DAPK1: variants seen among roughly 807,000 people sequenced by gnomAD.
DAPK1 encodes death-associated protein kinase 1.
In DAPK1, 56 loss-of-function variants were observed where a neutral mutation model predicts 144.9. The ratio of observed to expected loss-of-function variants is 0.39; its 90% CI spans 0.31 to 0.48. DAPK1 has a LOEUF of 0.48. Among genes scored for constraint, DAPK1 ranks in the 20% least tolerant of loss-of-function variants. The pLI is 0.95. For missense variants in DAPK1, 1,454 were observed against 1,875.4 expected, an observed-to-expected ratio of 0.78 and a Z score of 4.15; for synonymous variants, 690 against 749.0, an observed-to-expected ratio of 0.92 and a Z score of 1.29.
Position 87,604,945 on chromosome 9 carries a change from T to C in DAPK1, c.63-9T>C, listed in dbSNP as rs772891870. On this transcript the variant is annotated splice_polypyrimidine_tract_variant and intron_variant, in intron 2 of 25. Transcript: ENST00000408954. ...GAACGATAAAGAATCCTCCATCTTCTCTTTTCAGTGGACAGTTTGCGGTTG... is the reference window on the plus strand; with the variant it reads ...GAACGATAAAGAATCCTCCATCTTCCCTTTTCAGTGGACAGTTTGCGGTTG... The C allele has an allele frequency of 2.5e-6, 4 of 1,612,502 alleles. No individual in the cohort carries two copies. The highest frequency in any genetic ancestry group is 1.1e-5 in the South Asian group (1 of 91,054).
chr9:87,683,797 G>A (rs902380566), intron 20 of DAPK1, among the ~76,000 whole-genome samples: 16 of 152,312 alleles, frequency 1.1e-4, no homozygotes, highest in African/African-American at 3.4e-4. Flanking sequence ...TCCTGGCGCG[G>A]GGGCAGAAGC....
rs776219366 is a variant in DAPK1, at chr9:87,647,326, T to C, written c.1252T>C (p.Trp418Arg). 14 of 1,614,094 alleles carry C rather than the reference T, an allele frequency of 8.7e-6. No individual in the cohort carries two copies. The South Asian group carries it at 1.5e-4, about 18-fold the overall frequency. ...QDKGGSNAVYWAARHGHVDTL... is the reference protein window; with the variant it reads ...QDKGGSNAVYRAARHGHVDTL... ...GCAGGGCGGGTCCAATGCCGTCTACTGGGCTGCTCGGCATGGCCACGTCGA... is the reference window on the plus strand; with the variant it reads ...GCAGGGCGGGTCCAATGCCGTCTACCGGGCTGCTCGGCATGGCCACGTCGA... Residue 418 changes from tryptophan (W) to arginine (R), a missense_variant, in exon 14 of 26, where the codon TGG becomes CGG. Physicochemically the swap from Trp to Arg is moderately radical, Grantham distance 101. Transcript: ENST00000408954.
At chr9:87,510,029 G>T (rs1563965585) in intron 2 of DAPK1, among the ~76,000 whole-genome samples, 1 of 152,208 alleles carries the variant, frequency 6.6e-6, no homozygotes, top group Non-Finnish European at 1.5e-5. Flanking sequence ...ATAAGGGTGT[G>T]CCCCAGGCTC....
Position 87,572,962 on chromosome 9 carries a change from C to A in DAPK1, c.63-31992C>A, listed in dbSNP as rs36203857. 6.0e-3 allele frequency among the ~76,000 whole-genome samples: 915 copies of A among 152,254 alleles called. 14 individuals are homozygous for A. Among genetic ancestry groups the A allele is most frequent in the African/African-American group, 0.021 (885 of 41,534 alleles). ...GATATTGCCAAGCCTGGCTGAGATT[C>A]TGAAACACACAGCTCTCCTCCCACC... is the stretch of plus-strand genomic sequence containing the variant. On this transcript the variant is annotated intron_variant, in intron 2 of 25. Coordinates refer to ENST00000408954, the MANE Select transcript of DAPK1 (RefSeq NM_004938.4).
At position 87,651,519 on chromosome 9, in the gene DAPK1, G is replaced by C; in HGVS notation, c.1627-8G>C. ...AAAGCTCTCATGATCTCTGGGGTTT[G>C]TTTCCAGGACGGACACATTGCCCTT... On this transcript the variant is annotated splice_polypyrimidine_tract_variant and splice_region_variant and intron_variant, in intron 16 of 25. Transcript: ENST00000408954. 1 of 1,614,022 alleles carries C rather than the reference G, an allele frequency of 6.2e-7. No individual in the cohort carries two copies.
intron 18 of DAPK1, among the ~76,000 whole-genome samples, chr9:87,664,813 A>G (rs944683009): frequency 7.2e-5 from 11 of 152,116 alleles, no homozygotes; most frequent in African/African-American, 2.7e-4. Context: ...AGAGCCCTTC[A>G]AATGGGGGCT....
chr9:87,649,994 G>A lies in DAPK1; in HGVS notation c.1502G>A (p.Gly501Asp), dbSNP rs375226122. The A allele has an allele frequency of 6.2e-7, 1 of 1,614,186 alleles. No homozygotes were observed. The change falls in exon 16 of 26, where the codon GGC becomes GAC. Residue 501 changes from glycine (G) to aspartate (D), a missense_variant. Coordinates refer to ENST00000408954, the MANE Select transcript of DAPK1 (RefSeq NM_004938.4). ...GTGGCCAAAGCCCTTTGTGAAGCCGGCTGTAACGTGAACATCAAGAACCGA... is the reference window on the plus strand; with the variant it reads ...GTGGCCAAAGCCCTTTGTGAAGCCGACTGTAACGTGAACATCAAGAACCGA... ...YSVAKALCEA[G>D]CNVNIKNREG... is the part of the protein sequence containing the mutation.
intron 2 of DAPK1, among the ~76,000 whole-genome samples, chr9:87,509,506 A>G (rs1019730526): frequency 6.6e-6 from 1 of 152,070 alleles, no homozygotes; most frequent in African/African-American, 2.4e-5. Context: ...GATTACAGGC[A>G]TGCACCACCA....
At chr9:87,659,431 C>G (rs895979427) in intron 18 of DAPK1, among the ~76,000 whole-genome samples, 1 of 152,194 alleles carries the variant, frequency 6.6e-6, no homozygotes, top group Non-Finnish European at 1.5e-5. Flanking sequence ...TCCAGTTACT[C>G]CCTAATAGAG....
chr9:87,562,873 A>T (rs1043773091), intron 2 of DAPK1, among the ~76,000 whole-genome samples: 2 of 152,250 alleles, frequency 1.3e-5, no homozygotes, highest in Non-Finnish European at 2.9e-5. Flanking sequence ...ATTAAACTTA[A>T]GGAATGATTT....
rs151313424 is a variant in DAPK1, at chr9:87,523,712, T to TGAA, written c.62+24575_62+24577dup. On this transcript the variant is annotated intron_variant, in intron 2 of 25. Coordinates refer to ENST00000408954, the MANE Select transcript of DAPK1 (RefSeq NM_004938.4). The stretch of plus-strand genomic sequence containing the variant: ...CTGGAATTTATTTTCGTGTGAAGTG[T>TGAA]GAAGTATGGCTCCAGGCGTAGTTTT... Among the ~76,000 whole-genome samples the TGAA allele has an allele frequency of 6.7e-3, 1,018 of 152,304 alleles. 13 individuals carry two copies. Among genetic ancestry groups the TGAA allele is most frequent in the African/African-American group, 0.023 (968 of 41,564 alleles).
intron 3 of DAPK1, among the ~76,000 whole-genome samples, chr9:87,618,167 TG>T (rs1489380029): frequency 3.3e-5 from 5 of 152,234 alleles, no homozygotes; most frequent in Admixed American, 3.3e-4. Flanking sequence ...CTTTGGTGAA[TG>T]GCACATGAAT....
chr9:87,570,311 T>G (rs1301871412), intron 2 of DAPK1, among the ~76,000 whole-genome samples: 1 of 152,212 alleles, frequency 6.6e-6, no homozygotes, highest in Non-Finnish European at 1.5e-5. Flanking sequence ...ACTCCAGCTT[T>G]GTCTAATTAT....
rs1830050356 is a variant in DAPK1, at chr9:87,640,278, C to T, written c.630-20C>T. 6.2e-7 allele frequency: 1 copy of T among 1,607,668 alleles called. No homozygotes were observed. Among genetic ancestry groups the T allele is most frequent in the Admixed American group, 1.7e-5 (1 of 59,354 alleles). On this transcript the variant is annotated intron_variant, in intron 7 of 25. Coordinates refer to ENST00000408954, the MANE Select transcript of DAPK1 (RefSeq NM_004938.4). ...AAGGGGTCATCATTAATGTTCTATG[C>T]CCAACTTTATTTTTAACAGCCTAAG... is the stretch of plus-strand genomic sequence containing the variant.
chr9:87,651,463 G>C (rs1387878259), intron 16 of DAPK1, 64 bp from the exon 17 acceptor site: 2 of 1,515,728 alleles, frequency 1.3e-6, no homozygotes, highest in Non-Finnish European at 1.8e-6. Flanking sequence ...GGCAGAAAAG[G>C]TGAAGAGACG....
At chr9:87,504,969 G>A (rs1824533173) in intron 2 of DAPK1, among the ~76,000 whole-genome samples, 1 of 152,204 alleles carries the variant, frequency 6.6e-6, no homozygotes, top group African/African-American at 2.4e-5. Flanking sequence ...CATGGATGCA[G>A]AACCCACAGA....
chr9:87,666,480 T>C (rs191511957), intron 18 of DAPK1, among the ~76,000 whole-genome samples: 1 of 149,112 alleles, frequency 6.7e-6, no homozygotes, highest in Non-Finnish European at 1.5e-5. Flanking sequence ...TGTTTTTGTT[T>C]TTTTTTTTTT....
chr9:87,531,144 T>C (rs1471945290), intron 2 of DAPK1, among the ~76,000 whole-genome samples: 1 of 152,198 alleles, frequency 6.6e-6, no homozygotes, highest in Admixed American at 6.5e-5. Context: ...TAAAATGCTC[T>C]GATCATTGCA....
At chr9:87,603,338 C>G (rs1345040833) in intron 2 of DAPK1, among the ~76,000 whole-genome samples, 2 of 152,038 alleles carry the variant, frequency 1.3e-5, no homozygotes, top group Non-Finnish European at 2.9e-5. Context: ...TTACATAGAC[C>G]CCGTAATTGT....
Sources: gnomAD v4.1 joint callset for allele counts (sites outside exome capture counted in the v4.1 genomes callset) on GRCh38, gnomAD v4.1.1 for gene constraint, MANE v1.5 for transcripts, NCBI Gene and HGNC (gene_info 2026-07-23, HGNC 2026-07-21) for gene names.